Variants in DCLRE1C observed in about 807,000 individuals in gnomAD.
DCLRE1C encodes the protein protein artemis.
In DCLRE1C, 47 loss-of-function variants were observed where a neutral mutation model predicts 61.4. The ratio of observed to expected loss-of-function variants is 0.77; its 90% confidence interval spans 0.61 to 0.98. The LOEUF (loss-of-function observed/expected upper bound fraction) is 0.98. Among genes scored for constraint, DCLRE1C ranks in the 50% least tolerant of loss-of-function variants. The pLI is 0.00. For missense variants in DCLRE1C, 858 were observed against 816.0 expected, an observed-to-expected ratio of 1.05 and a Z score of -0.63; for synonymous variants, 337 against 287.6, an observed-to-expected ratio of 1.17 and a Z score of -1.74.
chr10:14,910,718 G>A (rs1291033534), intron 13 of DCLRE1C, among the ~76,000 whole-genome samples: 1 of 152,196 alleles, frequency 6.6e-6, no homozygotes, highest in Non-Finnish European at 1.5e-5. Context: ...TTGGGTAGAT[G>A]CATAAAAGGC....
chr10:14,937,533 C>T (rs1263788524), intron 4 of DCLRE1C, among the ~76,000 whole-genome samples: 2 of 152,076 alleles, frequency 1.3e-5, no homozygotes, highest in Non-Finnish European at 2.9e-5. Flanking sequence ...ATACATCTGC[C>T]TCGGCCTCCC....
At chr10:14,926,319 G>A (rs1837967249) in intron 11 of DCLRE1C, among the ~76,000 whole-genome samples, 1 of 152,136 alleles carries the variant, frequency 6.6e-6, no homozygotes, top group Non-Finnish European at 1.5e-5. Context: ...TATTGATACT[G>A]AGGTCACAGG....
chr10:14,937,893 CAAAAAAAAAAAA>C (rs749452841), intron 4 of DCLRE1C, among the ~76,000 whole-genome samples: 10 of 40,638 alleles, frequency 2.5e-4, no homozygotes, highest in Non-Finnish European at 3.7e-4. Flanking sequence ...GGCTCAGTCT[CAAAAAAAAAAAA>C]AAAAAAAAAA....
chr10:14,945,693 C>G (rs974459003), intron 2 of DCLRE1C: 1 of 615,734 alleles, frequency 1.6e-6, no homozygotes, highest in Non-Finnish European at 1.9e-6. Flanking sequence ...GAGTCTTGCT[C>G]TGTTACCCAG....
intron 5 of DCLRE1C, among the ~76,000 whole-genome samples, chr10:14,935,847 G>C (rs1839818535): frequency 6.6e-6 from 1 of 152,210 alleles, no homozygotes; most frequent in Non-Finnish European, 1.5e-5. Flanking sequence ...CTCATGGAGA[G>C]AGAAATACAC....
chr10:14,909,451 G>A (rs769421022), intron 13 of DCLRE1C, 121 bp from the exon 14 acceptor site: 91 of 838,016 alleles, frequency 1.1e-4, no homozygotes, highest in Non-Finnish European at 1.6e-4. Flanking sequence ...TCTTCAAAGG[G>A]AAAAGATATT....
In DCLRE1C at chr10:14,908,668, T is replaced by TTTTCAAATCAGAGTAAGTATCC; in HGVS notation, c.1797_1818dup (p.Ser607GlyfsTer5). The TTTTCAAATCAGAGTAAGTATCC allele has an allele frequency of 1.9e-6, 3 of 1,614,204 alleles. 1 individual carries two copies. In the South Asian group the frequency reaches 3.3e-5, roughly 18 times the overall value. ...ACTATTGTCACATCTTTATCTCTGC[T>TTTTCAAATCAGAGTAAGTATCC]TTTCAAATCAGAGTAAGTATCCTTT... is the stretch of plus-strand genomic sequence containing the variant. On this transcript the variant is annotated stop_gained and frameshift_variant, in exon 14 of 14. Transcript: ENST00000378278. LOFTEE classifies it low-confidence loss of function (END_TRUNC).
At chr10:14,914,845 C>T (rs931784559) in intron 13 of DCLRE1C, among the ~76,000 whole-genome samples, 5 of 151,842 alleles carry the variant, frequency 3.3e-5, no homozygotes, top group Non-Finnish European at 7.4e-5. Flanking sequence ...GATGCTGACA[C>T]AGGAGAATCA....
At chr10:14,900,646 T>G (rs552474348), downstream of DCLRE1C, among the ~76,000 whole-genome samples, 1 of 152,366 alleles carries the variant, frequency 6.6e-6, no homozygotes, top group African/African-American at 2.4e-5. Flanking sequence ...ACTGTAGTAT[T>G]CTCAAAACAT....
chr10:14,945,653 CTTTTTTTTTT>C (rs148072088), intron 2 of DCLRE1C: 3 of 274,366 alleles, frequency 1.1e-5, no homozygotes, highest in Admixed American at 1.4e-4. Context: ...TAAGTCTATT[CTTTTTTTTTT>C]TTTTTTTTTT....
intron 13 of DCLRE1C, among the ~76,000 whole-genome samples, chr10:14,919,240 C>A (rs1430082831): frequency 6.6e-6 from 1 of 152,082 alleles, no homozygotes; most frequent in Non-Finnish European, 1.5e-5. Context: ...TGCCTCTGTC[C>A]TTCACTAGAA....
At chr10:14,937,961 T>C (rs1840241821) in intron 4 of DCLRE1C, among the ~76,000 whole-genome samples, 2 of 139,850 alleles carry the variant, frequency 1.4e-5, no homozygotes, top group Non-Finnish European at 3.1e-5. Flanking sequence ...ACACTGCACA[T>C]CATACTGTTC....
Position 14,908,620 on chromosome 10 carries a change from T to A in DCLRE1C, c.1867A>T (p.Thr623Ser). The change falls in exon 14 of 14, where the codon ACT becomes TCT. Residue 623 changes from threonine (T) to serine (S), a missense_variant. Coordinates refer to ENST00000378278, the MANE Select transcript of DCLRE1C (RefSeq NM_001033855.3). Reference sequence around the variant, plus strand: ...GGTATATGTGTCTCACTGCTTAGAGTAGTTGGTTCTCCAGTACTAGGAACT... The same window carrying A: ...GGTATATGTGTCTCACTGCTTAGAGAAGTTGGTTCTCCAGTACTAGGAACT... Reference protein sequence around the residue: ...TIVPSTGEPTTLSSETHIPEE... With the variant: ...TIVPSTGEPTSLSSETHIPEE... 6.2e-7 allele frequency: 1 copy of A among 1,614,076 alleles called. No individual in the cohort carries two copies. Among genetic ancestry groups the A allele is most frequent in the Admixed American group, 1.7e-5 (1 of 60,016 alleles).
chr10:14,941,349 G>A (rs142677680), intron 3 of DCLRE1C, among the ~76,000 whole-genome samples: 1,946 of 152,214 alleles, frequency 0.013, 8 homozygotes, highest in African/African-American at 0.021. Flanking sequence ...CAGTGGCACA[G>A]TCACGGCTCA....
At chr10:14,942,113 CCTT>C (rs1272425215) in intron 3 of DCLRE1C, 3 of 152,214 alleles carry the variant, frequency 2.0e-5, no homozygotes, top group Non-Finnish European at 4.4e-5. Context: ...ACATTGCTGA[CCTT>C]CTGGCTTAAC....
chr10:14,939,889 G>C lies in DCLRE1C; in HGVS notation c.247-20C>G. The C allele has an allele frequency of 6.4e-7, 1 of 1,570,258 alleles. No individual in the cohort carries two copies. Among genetic ancestry groups the C allele is most frequent in the Non-Finnish European group, 8.7e-7 (1 of 1,143,992 alleles). Reference sequence around the variant, plus strand: ...AGATATCTATAAAAATAAAATAAGAGACCATGTATATAGCAGTTTTTCATG... The same window carrying C: ...AGATATCTATAAAAATAAAATAAGACACCATGTATATAGCAGTTTTTCATG... On this transcript the variant is annotated intron_variant, in intron 3 of 13. Coordinates refer to ENST00000378278, the MANE Select transcript of DCLRE1C (RefSeq NM_001033855.3).
intron 9 of DCLRE1C, among the ~76,000 whole-genome samples, chr10:14,932,502 TGGCG>T (rs1300168763): frequency 6.6e-6 from 1 of 151,956 alleles, no homozygotes; most frequent in African/African-American, 2.4e-5. Flanking sequence ...CCGTGCATGG[TGGCG>T]GGCGCCTGTA....
chr10:14,939,734 A>G (rs1840558033), intron 4 of DCLRE1C, 76 bp downstream of exon 4: 1 of 1,315,840 alleles, frequency 7.6e-7, no homozygotes, highest in Non-Finnish European at 1.1e-6. Flanking sequence ...ATCTGACTGC[A>G]AAATCAAAGA....
At chr10:14,947,433 T>C (rs1463991185) in intron 2 of DCLRE1C, 1 of 152,142 alleles carries the variant, frequency 6.6e-6, no homozygotes, top group Non-Finnish European at 1.5e-5. Context: ...AACTGAGCAA[T>C]AAGACATGAT....
Sources: gnomAD v4.1 joint callset for allele counts (sites outside exome capture counted in the v4.1 genomes callset) on GRCh38, gnomAD v4.1.1 for gene constraint, MANE v1.5 for transcripts, NCBI Gene and HGNC (gene_info 2026-07-23, HGNC 2026-07-21) for gene names.